Variants in EYS observed in about 807,000 individuals in gnomAD.
EYS encodes the protein protein eyes shut homolog.
EYS carries 250 observed loss-of-function variants against 282.1 expected under a neutral mutation model. That is an observed-to-expected ratio of 0.89 (90% CI 0.80 to 0.98). The LOEUF (loss-of-function observed/expected upper bound fraction) is 0.98. Among genes scored for constraint, EYS ranks in the 50% least tolerant of loss-of-function variants. EYS has a pLI of 0.00. For missense variants in EYS, 4,016 were observed against 3,709.0 expected, an observed-to-expected ratio of 1.08 and a Z score of -2.15; for synonymous variants, 1,355 against 1,282.9, an observed-to-expected ratio of 1.06 and a Z score of -1.20.
intron 26 of EYS, among the ~76,000 whole-genome samples, chr6:64,565,616 A>G (rs887970012): frequency 3.9e-5 from 6 of 152,130 alleles, no homozygotes; most frequent in Non-Finnish European, 7.4e-5. Context: ...AGGTAGGGGA[A>G]AATGGGGAGA....
At chr6:64,854,578 A>ACGG (rs1486472237) in intron 19 of EYS, among the ~76,000 whole-genome samples, 3 of 109,420 alleles carry the variant, frequency 2.7e-5, no homozygotes, top group African/African-American at 7.3e-5. Context: ...AACATCACAC[A>ACGG]CGGGGGCCTG....
At chr6:65,129,929 G>A (rs1444758182) in intron 12 of EYS, among the ~76,000 whole-genome samples, 1 of 151,694 alleles carries the variant, frequency 6.6e-6, no homozygotes, top group Non-Finnish European at 1.5e-5. Context: ...ACAGTGTACT[G>A]GCAAAAGAAA....
At chr6:65,215,144 A>T (rs1276717094) in intron 12 of EYS, among the ~76,000 whole-genome samples, 1 of 152,166 alleles carries the variant, frequency 6.6e-6, no homozygotes, top group Non-Finnish European at 1.5e-5. Flanking sequence ...ATTAAGAAAT[A>T]CATTTTATAA....
intron 11 of EYS, among the ~76,000 whole-genome samples, chr6:65,328,936 C>T (rs1248980983): frequency 6.6e-6 from 1 of 151,118 alleles, no homozygotes; most frequent in East Asian, 1.9e-4. Flanking sequence ...ATGCTTAAGA[C>T]AAAGGTCACC....
intron 12 of EYS, among the ~76,000 whole-genome samples, chr6:65,143,615 A>G (rs1430635956): frequency 3.3e-5 from 5 of 152,068 alleles, no homozygotes; most frequent in African/African-American, 9.7e-5. Context: ...ATGTAATTTA[A>G]GGATTCTATC....
chr6:64,064,253 A>G lies in EYS; in HGVS notation c.6725+2085T>C, dbSNP rs181571966. On this transcript the variant is annotated intron_variant, in intron 33 of 42. Coordinates refer to ENST00000503581, the MANE Select transcript of EYS (RefSeq NM_001142800.2). ...GTTTTTTTTTCTGTTTTGGCTTACCATTGAATTCTAGTAGCTTAGTATAGT... is the reference window on the plus strand; with the variant it reads ...GTTTTTTTTTCTGTTTTGGCTTACCGTTGAATTCTAGTAGCTTAGTATAGT... Among the ~76,000 whole-genome samples the G allele has an allele frequency of 1.4e-4, 21 of 152,190 alleles. 1 individual carries two copies. The highest frequency in any genetic ancestry group is 4.3e-4 in the African/African-American group (18 of 41,516).
intron 5 of EYS, among the ~76,000 whole-genome samples, chr6:65,471,122 G>C (rs1302788434): frequency 6.6e-6 from 1 of 150,824 alleles, no homozygotes; most frequent in African/African-American, 2.4e-5. Flanking sequence ...GGGTGACAGA[G>C]CACGACGCCG....
chr6:64,881,641 G>A (rs1023852368), intron 19 of EYS, among the ~76,000 whole-genome samples: 3 of 151,712 alleles, frequency 2.0e-5, no homozygotes, highest in African/African-American at 4.8e-5. Context: ...TTTCAACAAG[G>A]CTTGGGATGT....
At chr6:64,758,879 C>T (rs140955704) in intron 22 of EYS, among the ~76,000 whole-genome samples, 1,639 of 152,310 alleles carry the variant, frequency 0.011, 32 homozygotes, top group African/African-American at 0.037. Flanking sequence ...TGGCTCACGC[C>T]TGTAATCCCA....
intron 7 of EYS, among the ~76,000 whole-genome samples, chr6:65,398,910 C>T (rs2150361571): frequency 6.6e-6 from 1 of 152,222 alleles, no homozygotes; most frequent in Middle Eastern, 3.4e-3. Context: ...CCCAACCTTT[C>T]AATTGAGCAA....
chr6:65,107,050 A>G (rs1291704632), intron 12 of EYS, among the ~76,000 whole-genome samples: 1 of 152,090 alleles, frequency 6.6e-6, no homozygotes, highest in Non-Finnish European at 1.5e-5. Context: ...TGAGAGTCAC[A>G]TGTAGAAATA....
chr6:65,677,706 C>A (rs529319386), intron 1 of EYS, among the ~76,000 whole-genome samples: 10 of 151,956 alleles, frequency 6.6e-5, no homozygotes, highest in Non-Finnish European at 1.0e-4. Context: ...ACAAAATAAT[C>A]CTAAAATTCA....
At chr6:64,869,846 C>CT (rs960426224) in intron 19 of EYS, among the ~76,000 whole-genome samples, 14 of 150,444 alleles carry the variant, frequency 9.3e-5, no homozygotes, top group Non-Finnish European at 1.8e-4. Context: ...GTTATAAGAT[C>CT]TTTTTTTTTC....
intron 39 of EYS, 45 bp downstream of exon 39, chr6:63,788,060 C>T: frequency 1.4e-6 from 2 of 1,396,820 alleles, no homozygotes; most frequent in Non-Finnish European, 9.6e-7. Context: ...TTTCCCTCAA[C>T]ATTTGAAATA....
At chr6:64,835,383 G>C (rs148642469) in intron 19 of EYS, among the ~76,000 whole-genome samples, 1 of 151,604 alleles carries the variant, frequency 6.6e-6, no homozygotes, top group Non-Finnish European at 1.5e-5. Context: ...ATAGAAGAAA[G>C]TATGTGGTGT....
intron 24 of EYS, among the ~76,000 whole-genome samples, chr6:64,595,629 T>C (rs529014464): frequency 3.9e-5 from 6 of 152,292 alleles, no homozygotes; most frequent in South Asian, 2.1e-4. Flanking sequence ...TTTAGCATTG[T>C]TTCCATACAC....
chr6:64,244,761 G>A (rs911663143), intron 30 of EYS, among the ~76,000 whole-genome samples: 94 of 152,000 alleles, frequency 6.2e-4, no homozygotes, highest in African/African-American at 2.1e-3. Context: ...TGTTTAGTAT[G>A]TCGATTTCAA....
In EYS at chr6:64,452,408, A is replaced by C. The variant is rs1775386226; in HGVS notation, c.5645-13056T>G. Among the ~76,000 whole-genome samples the C allele has an allele frequency of 2.0e-5, 3 of 152,226 alleles. No individual in the cohort carries two copies. In the South Asian group the frequency reaches 6.2e-4, roughly 31 times the overall value. The stretch of plus-strand genomic sequence containing the variant: ...TCCATGCTCATGGGTAGGAAGAATC[A>C]ATATCGTGAAAATGGCTATACTGCC... On this transcript the variant is annotated intron_variant, in intron 26 of 42. Transcript: ENST00000503581.
At chr6:65,049,973 A>T (rs1368339864) in intron 13 of EYS, among the ~76,000 whole-genome samples, 1 of 151,660 alleles carries the variant, frequency 6.6e-6, no homozygotes, top group Non-Finnish European at 1.5e-5. Flanking sequence ...TTTACAGAAA[A>T]TATAGTCAAA....
Sources: gnomAD v4.1 joint callset for allele counts (sites outside exome capture counted in the v4.1 genomes callset) on GRCh38, gnomAD v4.1.1 for gene constraint, MANE v1.5 for transcripts, NCBI Gene and HGNC (gene_info 2026-07-23, HGNC 2026-07-21) for gene names.